IPO4: variants seen among roughly 807,000 people sequenced by gnomAD.
IPO4 encodes importin-4.
Under a neutral mutation model 133.5 loss-of-function variants are expected in IPO4, and 91 were observed. The observed-to-expected ratio is 0.68, with a 90% confidence interval of 0.58 to 0.81. IPO4 has a LOEUF of 0.81. Among genes scored for constraint, IPO4 ranks in the 30% least tolerant of loss-of-function variants. The pLI is 0.00. For missense variants in IPO4, 1,279 were observed against 1,386.2 expected (o/e 0.92, Z 1.23); for synonymous variants, 607 against 581.6 (o/e 1.04, Z -0.63).
At position 24,186,699 on chromosome 14, in the gene IPO4, C is replaced by G. The variant is rs200883650; in HGVS notation, c.840+9G>C. 113 of 1,612,238 alleles carry G rather than the reference C, an allele frequency of 7.0e-5. 1 individual carries two copies. The highest frequency in any genetic ancestry group is 2.7e-5 in the Non-Finnish European group (32 of 1,178,530). ...GTGGGGTGATGTGTGTCAATGGGCA[C>G]TCACTTACCTTGCTCTTGACTTTGA... is the stretch of plus-strand genomic sequence containing the variant. On this transcript the variant is annotated intron_variant, in intron 9 of 29. Transcript: ENST00000354464.
At chr14:24,187,225 G>T in intron 6 of IPO4, 75 bp from the exon 7 acceptor site, 1 of 1,543,156 alleles carries the variant, frequency 6.5e-7, no homozygotes, top group South Asian at 1.1e-5. Context: ...CTCACAGCCT[G>T]AATTGCGAGG....
chr14:24,183,347 GT>G lies in IPO4; in HGVS notation c.2129del (p.His710ProfsTer2). 6.2e-7 allele frequency: 1 copy of G among 1,609,956 alleles called. No individual in the cohort carries two copies. The highest frequency in any genetic ancestry group is 1.1e-5 in the South Asian group (1 of 90,260). On this transcript the variant is annotated frameshift_variant, in exon 22 of 30. Transcript: ENST00000354464. LOFTEE classifies it high-confidence loss of function. The part of the protein sequence containing the change: ...EEVFKLLECP[H>X]LNVRKAAHEA... Reference sequence around the variant, plus strand: ...CATGGGCTGCCTTCCGCACATTCAGGTGAGGGCACTGCAGGATGAGGAGGGG... The same window carrying G: ...CATGGGCTGCCTTCCGCACATTCAGGGAGGGCACTGCAGGATGAGGAGGGG...
Position 24,182,957 on chromosome 14 carries a change from G to C in IPO4, c.2421+19C>G. 1 of 1,613,034 alleles carries C rather than the reference G, an allele frequency of 6.2e-7. No homozygotes were observed. Among genetic ancestry groups the C allele is most frequent in the East Asian group, 2.2e-5 (1 of 44,856 alleles). ...AGGCCCAGCACCTCTCCTTCCCGAA[G>C]CCCACCTGCCCTGCTCACCTTCCTC... On this transcript the variant is annotated intron_variant, in intron 23 of 29. Transcript: ENST00000354464.
In IPO4 at chr14:24,180,691, G is replaced by C; in HGVS notation, c.3113C>G (p.Pro1038Arg). The C allele has an allele frequency of 6.2e-7, 1 of 1,614,134 alleles. No homozygotes were observed. The highest frequency in any genetic ancestry group is 8.5e-7 in the Non-Finnish European group (1 of 1,179,998). The change falls in exon 29 of 30, where the codon CCA becomes CGA. Residue 1038 changes from proline (P) to arginine (R), a missense_variant and splice_region_variant. Pro to Arg is a moderately radical substitution (Grantham distance 103). Transcript: ENST00000354464. ...SLILADNKIPPDTKAALLLLL... is the reference protein window; with the variant it reads ...SLILADNKIPRDTKAALLLLL... The stretch of plus-strand genomic sequence containing the variant: ...CTGCCTATGACTCCTACCCTCACCT[G>C]GTGGGATCTTGTTGTCAGCCAGAAT...
chr14:24,182,321 G>A lies in IPO4; in HGVS notation c.2555C>T (p.Ala852Val). The change falls in exon 25 of 30, where the codon GCC becomes GTC. Residue 852 changes from alanine (A) to valine (V), a missense_variant. Ala to Val is a moderately conservative substitution (Grantham distance 64). Coordinates refer to ENST00000354464, the MANE Select transcript of IPO4 (RefSeq NM_024658.4). ...TGGCAGGAAACCGGCAAAGAATGGGGCAAAGGAGTCTCCCCCAGCCGCGGC... is the reference window on the plus strand; with the variant it reads ...TGGCAGGAAACCGGCAAAGAATGGGACAAAGGAGTCTCCCCCAGCCGCGGC... The part of the protein sequence containing the change: ...LAAAAGGDSF[A>V]PFFAGFLPLL... 1 of 1,613,970 alleles carries A rather than the reference G, an allele frequency of 6.2e-7. No homozygotes were observed. The highest frequency in any genetic ancestry group is 2.2e-5 in the East Asian group (1 of 44,876).
At position 24,182,102 on chromosome 14, in the gene IPO4, T is replaced by G; in HGVS notation, c.2660A>C (p.Gln887Pro). The G allele has an allele frequency of 6.2e-7, 1 of 1,614,014 alleles. No homozygotes were observed. Among genetic ancestry groups the G allele is most frequent in the Non-Finnish European group, 8.5e-7 (1 of 1,180,036 alleles). ...CTGGGCTGAGGCAGCACCCAGGCCC[T>G]GAATAGTCTCTGCCAAGGTCCCCAC... ...FAVGTLAETI[Q>P]GLGAASAQFV... The change falls in exon 26 of 30, where the codon CAG becomes CCG. Residue 887 changes from glutamine to proline, a missense_variant. Transcript: ENST00000354464.
Position 24,184,167 on chromosome 14 carries a change from G to C in IPO4, c.1758-58C>G, listed in dbSNP as rs551786839. 125 of 1,571,376 alleles carry C rather than the reference G, an allele frequency of 8.0e-5. No individual in the cohort carries two copies. In the African/African-American group the frequency reaches 1.4e-3, roughly 17 times the overall value. On this transcript the variant is annotated intron_variant, in intron 17 of 29. Transcript: ENST00000354464. ...CCTGCCTGCTACCACCAGGCAGGAT[G>C]GGGGAGCCCGGGAACACCTGGCTAT...
Position 24,184,631 on chromosome 14 carries a change from C to A in IPO4, c.1636+19G>T. ...CCTTTGCTGGCACTGGGAGCCCCAC[C>A]TGGGAACCTCTCACTCACCCAGGCT... On this transcript the variant is annotated intron_variant, in intron 16 of 29. Coordinates refer to ENST00000354464, the MANE Select transcript of IPO4 (RefSeq NM_024658.4). 1 of 1,557,226 alleles carries A rather than the reference C, an allele frequency of 6.4e-7. No individual in the cohort carries two copies. Among genetic ancestry groups the A allele is most frequent in the South Asian group, 1.2e-5 (1 of 83,470 alleles).
chr14:24,181,200 A>G (rs2039131127), intron 28 of IPO4, among the ~76,000 whole-genome samples: 1 of 152,174 alleles, frequency 6.6e-6, no homozygotes, highest in Non-Finnish European at 1.5e-5. Context: ...CACAGTTTGA[A>G]AGGGCCCCGG....
chr14:24,182,581 A>C, intron 24 of IPO4, 178 bp from the exon 25 acceptor site: 1 of 985,784 alleles, frequency 1.0e-6, no homozygotes, highest in Non-Finnish European at 1.5e-6. Context: ...TTCTGCTCCT[A>C]CCTATCACTC....
intron 4 of IPO4, 140 bp downstream of exon 4, chr14:24,188,076 A>C: frequency 1.0e-6 from 1 of 952,502 alleles, no homozygotes; most frequent in Non-Finnish European, 1.6e-6. Flanking sequence ...TTTAGTCTTC[A>C]AAACAGCCTT....
In IPO4 at chr14:24,187,209, A is replaced by G. The variant is rs72658755; in HGVS notation, c.589-59T>C. On this transcript the variant is annotated intron_variant, in intron 6 of 29. Transcript: ENST00000354464. ...CCAATCTCACACCCCAGCAGCTGGC[A>G]GCTTCCTCACAGCCTGAATTGCGAG... 12,758 of 1,581,508 alleles carry G rather than the reference A, an allele frequency of 8.1e-3. 899 individuals carry two copies. In the African/African-American group the frequency reaches 0.15, roughly 19 times the overall value.
intron 6 of IPO4, 58 bp from the exon 7 acceptor site, chr14:24,187,208 C>A: frequency 1.3e-6 from 2 of 1,580,078 alleles, no homozygotes; most frequent in Non-Finnish European, 1.7e-6. Flanking sequence ...CAGCAGCTGG[C>A]AGCTTCCTCA....
At position 24,188,721 on chromosome 14, in the gene IPO4, G is replaced by A. The variant is rs753390150; in HGVS notation, c.67C>T (p.Arg23Trp). 1.9e-6 allele frequency: 3 copies of A among 1,569,756 alleles called. No individual in the cohort carries two copies. Among genetic ancestry groups the A allele is most frequent in the South Asian group, 2.3e-5 (2 of 86,154 alleles). The stretch of plus-strand genomic sequence containing the variant: ...GCCCGGTTACGCCTGCTCCGTACCC[G>A]ACGGATGCGCTCGGTGTCCGGTAGC... ...LLLPDTERIR[R>W]ATEQLQIVLR... Residue 23 changes from arginine to tryptophan, a missense_variant and splice_region_variant, in exon 1 of 30, where the codon CGG becomes TGG. Around this residue, in one of 3 missense-constraint regions of IPO4, gnomAD observed 695 missense variants for 704.1 expected, o/e 0.99. Coordinates refer to ENST00000354464, the MANE Select transcript of IPO4 (RefSeq NM_024658.4).
At chr14:24,182,238 C>G (rs761684882) in intron 25 of IPO4, 40 bp downstream of exon 25, 3 of 1,613,862 alleles carry the variant, frequency 1.9e-6, no homozygotes, top group Non-Finnish European at 2.5e-6. Context: ...ACCGGGTGCA[C>G]GAGGGGACTA....
chr14:24,182,901 A>AC (rs2039162564), intron 23 of IPO4, 59 bp from the exon 24 acceptor site: 1 of 1,612,146 alleles, frequency 6.2e-7, no homozygotes, highest in Admixed American at 1.7e-5. Flanking sequence ...TCATGGGGGT[A>AC]GGGGGTGGAC....
At position 24,188,254 on chromosome 14, in the gene IPO4, G is replaced by C; in HGVS notation, c.240C>G (p.Leu80=). Residue 80 remains leucine, a synonymous_variant, in exon 4 of 30, where the codon CTC becomes CTG. Coordinates refer to ENST00000354464, the MANE Select transcript of IPO4 (RefSeq NM_024658.4). ...GCAGGGCCGTCAGGATCAGGGACTT[G>C]AGGCTGGAACACAGGTGGCAGGTGT... The part of the protein sequence containing the change: ...RRLAAEQRES[L]KSLILTALQR... 6.2e-7 allele frequency: 1 copy of C among 1,613,694 alleles called. No homozygotes were observed. Among genetic ancestry groups the C allele is most frequent in the South Asian group, 1.1e-5 (1 of 90,972 alleles).
chr14:24,180,604 C>G (rs763556257), intron 29 of IPO4, 32 bp from the exon 30 acceptor site: 2 of 1,611,712 alleles, frequency 1.2e-6, no homozygotes, highest in African/African-American at 2.7e-5. Flanking sequence ...AAGGTCGGGG[C>G]TCCTAAAGCC....
intron 23 of IPO4, 52 bp downstream of exon 23, chr14:24,182,924 C>G: frequency 6.2e-7 from 1 of 1,613,430 alleles, no homozygotes; most frequent in Non-Finnish European, 8.5e-7. Context: ...GTAGCCAGTC[C>G]CCAACCGAGG....
Sources: gnomAD v4.1 joint callset for allele counts (sites outside exome capture counted in the v4.1 genomes callset) on GRCh38, gnomAD v4.1.1 for gene constraint, gnomAD v4.1.1 regional missense constraint, MANE v1.5 for transcripts, NCBI Gene and HGNC (gene_info 2026-07-23, HGNC 2026-07-21) for gene names.